APOL1: variants seen among roughly 807,000 people sequenced by gnomAD.
The protein encoded by APOL1 is apolipoprotein L 1.
A neutral mutation model predicts 14.9 loss-of-function variants in APOL1; 17 were observed. That is an observed-to-expected ratio of 1.14 (90% CI 0.78 to 1.71). APOL1 has a LOEUF of 1.71. Ranked by LOEUF, APOL1 falls within the 40% of genes most tolerant of loss-of-function variation. The probability of loss-of-function intolerance (pLI) is 0.00; values close to 1 mark genes in which losing one functional copy is unlikely to be tolerated. For synonymous variants in APOL1, 195 were observed against 184.8 expected, an observed-to-expected ratio of 1.05 and a Z score of -0.45; for missense variants, 523 against 485.9, an observed-to-expected ratio of 1.08 and a Z score of -0.72.
Position 36,254,976 on chromosome 22 carries a change from G to A in APOL1, c.21G>A (p.Leu7=), listed in dbSNP as rs1241350129. ...GCGACATGGAGGGAGCTGCTTTGCT[G>A]AGAGTCTCTGTCCTCTGCATCTGGT... is the stretch of plus-strand genomic sequence containing the variant. MEGAAL[L]RVSVLCIWMS... Residue 7 remains leucine (L), a synonymous_variant, in exon 2 of 6, where the codon CTG becomes CTA. Transcript: ENST00000397278. 6.2e-7 allele frequency: 1 copy of A among 1,614,118 alleles called. No individual in the cohort carries two copies. The highest frequency in any genetic ancestry group is 8.5e-7 in the Non-Finnish European group (1 of 1,179,940).
Position 36,265,371 on chromosome 22 carries a change from T to C in APOL1, c.535T>C (p.Ser179Pro), listed in dbSNP as rs1428627466. 15 of 1,612,452 alleles carry C rather than the reference T, an allele frequency of 9.3e-6. No individual in the cohort carries two copies. Among genetic ancestry groups the C allele is most frequent in the Non-Finnish European group, 1.3e-5 (15 of 1,179,064 alleles). ...HKGTTIANVV[S>P]GSLSISSGIL... ...AGGCACCACCATCGCCAATGTGGTG[T>C]CTGGCTCTCTCAGCATTTCCTCTGG... The change falls in exon 6 of 6, where the codon TCT becomes CCT. Residue 179 changes from serine (S) to proline (P), a missense_variant. By Grantham distance (74) the Ser-to-Pro change is moderately conservative (BLOSUM62 -1). Transcript: ENST00000397278.
chr22:36,257,698 G>A lies in APOL1; in HGVS notation c.187+291G>A, dbSNP rs77318055. The A allele has an allele frequency of 8.3e-4, 224 of 268,692 alleles. 3 individuals are homozygous for A. In the East Asian group the frequency reaches 0.014, roughly 16 times the overall value. 16.6% of individuals were successfully genotyped at this position (268,692 alleles called of 1,614,324 possible). On this transcript the variant is annotated intron_variant, in intron 4 of 5. Transcript: ENST00000397278. ...CATCCTTGGGGAAGTGGAATCAGCG[G>A]GGGGGGGGGGGAGTGTGGGGAGAGC...
At chr22:36,256,526 C>T (rs1168910884) in intron 2 of APOL1, among the ~76,000 whole-genome samples, 1 of 152,178 alleles carries the variant, frequency 6.6e-6, no homozygotes, top group Non-Finnish European at 1.5e-5. Flanking sequence ...ACAGCAGGGG[C>T]TGGGCTGGCA....
chr22:36,260,652 A>C (rs2016047321), intron 4 of APOL1, among the ~76,000 whole-genome samples: 3 of 152,302 alleles, frequency 2.0e-5, no homozygotes, highest in South Asian at 4.1e-4. Flanking sequence ...CTGTTGAAAC[A>C]TGTGTGGGTG....
intron 5 of APOL1, among the ~76,000 whole-genome samples, chr22:36,263,253 A>AGCTGC (rs1569534059): frequency 6.6e-6 from 1 of 152,110 alleles, no homozygotes; most frequent in Non-Finnish European, 1.5e-5. Context: ...AGTGGCCAGA[A>AGCTGC]CCAGTAGCCT....
intron 5 of APOL1, among the ~76,000 whole-genome samples, chr22:36,261,998 C>CT (rs1381935939): frequency 6.6e-6 from 1 of 152,236 alleles, no homozygotes; most frequent in Non-Finnish European, 1.5e-5. Flanking sequence ...CACTTTCAGC[C>CT]TTTCTTCATC....
chr22:36,262,759 C>G lies in APOL1; in HGVS notation c.314+1037C>G, dbSNP rs143119237. On this transcript the variant is annotated intron_variant, in intron 5 of 5. Transcript: ENST00000397278. ...TATAGGGTCATGGTTGCCTGTGTCT[C>G]TCACACCACGCCTTGGAACTGGCAA... 2.7e-4 allele frequency among the ~76,000 whole-genome samples: 41 copies of G among 152,332 alleles called. No individual in the cohort carries two copies. The East Asian group carries it at 7.5e-3, about 28-fold the overall frequency.
Position 36,265,170 on chromosome 22 carries a change from C to A in APOL1, c.334C>A (p.Arg112Ser). 1 of 1,614,082 alleles carries A rather than the reference C, an allele frequency of 6.2e-7. No individual in the cohort carries two copies. The highest frequency in any genetic ancestry group is 8.5e-7 in the Non-Finnish European group (1 of 1,180,024). The change falls in exon 6 of 6, where the codon CGT (arginine) becomes AGT (serine). Residue 112 changes from arginine (R) to serine (S), a missense_variant. Physicochemically the swap from Arg to Ser is moderately radical, Grantham distance 110 (BLOSUM62 -1). Transcript: ENST00000397278. The stretch of plus-strand genomic sequence containing the variant: ...GTGCAGGAATGAGGCAGATGAGCTC[C>A]GTAAAGCTCTGGACAACCTTGCAAG... ...ELPRNEADELRKALDNLARQM... is the reference protein window; with the variant it reads ...ELPRNEADELSKALDNLARQM...
chr22:36,259,433 C>T (rs534176959), intron 4 of APOL1, among the ~76,000 whole-genome samples: 28 of 152,294 alleles, frequency 1.8e-4, no homozygotes, highest in Admixed American at 1.8e-3. Flanking sequence ...GCCCCATTTC[C>T]TCAGGAGGGC....
chr22:36,253,422 A>C (rs1002122939), intron 1 of APOL1, among the ~76,000 whole-genome samples: 2 of 152,206 alleles, frequency 1.3e-5, no homozygotes, highest in Non-Finnish European at 2.9e-5. Flanking sequence ...AGATGGGTTC[A>C]CAAAGCTCCC....
At chr22:36,255,513 T>G (rs971565914) in intron 2 of APOL1, among the ~76,000 whole-genome samples, 1 of 151,486 alleles carries the variant, frequency 6.6e-6, no homozygotes, top group Non-Finnish European at 1.5e-5. Flanking sequence ...ACTCCCCTGG[T>G]GAACTGCTGC....
intron 4 of APOL1, among the ~76,000 whole-genome samples, chr22:36,261,342 C>A (rs544164847): frequency 6.6e-6 from 1 of 152,120 alleles, no homozygotes; most frequent in Admixed American, 6.6e-5. Context: ...AGAATTAGAG[C>A]CCTACCCTTG....
Position 36,266,104 on chromosome 22 carries a change from T to G in APOL1, c.*71T>G. 6.7e-7 allele frequency: 1 copy of G among 1,498,998 alleles called. No individual in the cohort carries two copies. The highest frequency in any genetic ancestry group is 8.9e-7 in the Non-Finnish European group (1 of 1,120,662). The allele number at this position is 1,498,998 out of a possible 1,614,324, so 92.9% of individuals were successfully genotyped here. On this transcript the variant is annotated 3_prime_UTR_variant, in exon 6 of 6. Transcript: ENST00000397278. ...CAGGACAAAATGCAAACTTTTTTTTTTTTCTGAGACAGAGTCTTGCTCTGT... is the reference window on the plus strand; with the variant it reads ...CAGGACAAAATGCAAACTTTTTTTTGTTTCTGAGACAGAGTCTTGCTCTGT...
chr22:36,254,075 A>G, intron 1 of APOL1: 3 of 1,539,792 alleles, frequency 1.9e-6, no homozygotes, highest in Non-Finnish European at 2.7e-6. Context: ...GATTATTAAA[A>G]TCAAACATTT....
Position 36,266,144 on chromosome 22 carries a change from G to T in APOL1, c.*111G>T. On this transcript the variant is annotated 3_prime_UTR_variant, in exon 6 of 6. Transcript: ENST00000397278. ...TCTTGCTCTGTCGCCAAGTTGGAGT[G>T]CAATGGTGCGATCTCAGCTCACTGC... is the stretch of plus-strand genomic sequence containing the variant. 1 of 1,218,584 alleles carries T rather than the reference G, an allele frequency of 8.2e-7. No individual in the cohort carries two copies. The highest frequency in any genetic ancestry group is 1.6e-5 in the South Asian group (1 of 63,394). The allele number at this position is 1,218,584 out of a possible 1,614,324, so 75.5% of individuals were successfully genotyped here. A position where few individuals can be genotyped will look rare whatever the true frequency, so the allele number is the denominator to read the frequency against.
At position 36,256,182 on chromosome 22, in the gene APOL1, GT is replaced by G. The variant is rs376506226; in HGVS notation, c.45-892del. ...ATTTATATGTTGTGTATATGTTTTG[GT>G]TTTTTTTTGTCTTAAACAAGAGACT... On this transcript the variant is annotated intron_variant, in intron 2 of 5. Coordinates refer to ENST00000397278, the MANE Select transcript of APOL1 (RefSeq NM_003661.4). 8.0e-3 allele frequency among the ~76,000 whole-genome samples: 1,208 copies of G among 151,026 alleles called. 14 individuals are homozygous for G. The highest frequency in any genetic ancestry group is 0.027 in the African/African-American group (1,131 of 41,152).
At chr22:36,258,966 A>G (rs136151) in intron 4 of APOL1, among the ~76,000 whole-genome samples, 125,780 of 152,060 alleles carry the variant, frequency 0.83, 52,381 homozygotes, top group African/African-American at 0.91. Flanking sequence ...CTGTGGGCCC[A>G]TCCCCTCCCC....
rs2016258969 is a variant in APOL1, at chr22:36,266,275, G to A, written c.*242G>A. ...CCAGCTAATTTTTGTATTTTTAATA[G>A]AGATGGGGTTTCACCATGTTGGCCA... is the stretch of plus-strand genomic sequence containing the variant. On this transcript the variant is annotated 3_prime_UTR_variant, in exon 6 of 6. Coordinates refer to ENST00000397278, the MANE Select transcript of APOL1 (RefSeq NM_003661.4). 1 of 473,126 alleles carries A rather than the reference G, an allele frequency of 2.1e-6. No individual in the cohort carries two copies. Among genetic ancestry groups the A allele is most frequent in the East Asian group, 3.5e-5 (1 of 28,932 alleles). 29.3% of individuals were successfully genotyped at this position (473,126 alleles called of 1,614,324 possible).
chr22:36,266,655 G>C lies in APOL1; in HGVS notation c.*622G>C, dbSNP rs557746581. On this transcript the variant is annotated 3_prime_UTR_variant, in exon 6 of 6. Coordinates refer to ENST00000397278, the MANE Select transcript of APOL1 (RefSeq NM_003661.4). ...GTGTAGTGGCTCATGCCTGTAATCC[G>C]AGCACTTTGGGAGGCCAAGGCGGGC... is the stretch of plus-strand genomic sequence containing the variant. 4.6e-4 allele frequency: 181 copies of C among 389,374 alleles called. 1 individual carries two copies. The highest frequency in any genetic ancestry group is 3.9e-3 in the Middle Eastern group (6 of 1,552). 24.1% of individuals were successfully genotyped at this position (389,374 alleles called of 1,614,324 possible). A position where few individuals can be genotyped will look rare whatever the true frequency, so the allele number is the denominator to read the frequency against.
Sources: allele counts gnomAD v4.1 joint callset (sites outside exome capture counted in the v4.1 genomes callset), GRCh38; gene constraint gnomAD v4.1.1; transcripts MANE v1.5; gene names NCBI Gene and HGNC (gene_info 2026-07-23, HGNC 2026-07-21).